The following NXPE2 variants were observed in gnomAD, a reference collection of about 807,000 sequenced individuals.
NXPE2 encodes the protein NXPE family member 2.
In NXPE2, 34 loss-of-function variants were observed where a neutral mutation model predicts 34.4. That is an observed-to-expected ratio of 0.99 (90% confidence interval 0.75 to 1.31). The LOEUF is 1.31. Among genes scored for constraint, NXPE2 ranks in the 40% most tolerant of loss-of-function variants. The pLI, the probability that NXPE2 is intolerant of heterozygous loss-of-function variation, is 0.00. For synonymous variants in NXPE2, 235 were observed against 231.3 expected, an observed-to-expected ratio of 1.02 and a Z score of -0.15; for missense variants, 649 against 672.5, an observed-to-expected ratio of 0.97 and a Z score of 0.39.
chr11:114,482,236 T>C, the NXPE2 span, among the ~76,000 whole-genome samples: 1 of 152,024 alleles, frequency 6.6e-6, no homozygotes. Flanking sequence ...AACACAGCAG[T>C]GTATAGGCTC....
rs1951461272 is a variant in NXPE2, at chr11:114,705,823, C to G, written c.971C>G (p.Thr324Ser). The change falls in exon 5 of 6, where the codon ACT becomes AGT. Residue 324 changes from threonine (T) to serine (S), a missense_variant. Coordinates refer to ENST00000389586, the MANE Select transcript of NXPE2 (RefSeq NM_182495.6). Reference sequence around the variant, plus strand: ...AAGAACTGCCAGATTGGAATGAAGACTCCTTTCCCCAGTGGTTATACTTTG... The same window carrying G: ...AAGAACTGCCAGATTGGAATGAAGAGTCCTTTCCCCAGTGGTTATACTTTG... Reference protein sequence around the residue: ...IKKNCQIGMKTPFPSGYTLKK... With the variant: ...IKKNCQIGMKSPFPSGYTLKK... The G allele has an allele frequency of 1.3e-6, 2 of 1,531,520 alleles. No individual in the cohort carries two copies. The highest frequency in any genetic ancestry group is 1.8e-6 in the Non-Finnish European group (2 of 1,138,530). The allele number at this position is 1,531,520 out of a possible 1,614,324, so 94.9% of individuals were successfully genotyped here.
chr11:114,640,366 CTGTT>C, the NXPE2 span, among the ~76,000 whole-genome samples: 1 of 148,684 alleles, frequency 6.7e-6, no homozygotes, highest in Non-Finnish European at 1.5e-5. Context: ...ATATATGCTA[CTGTT>C]TCTTTATCCA....
the NXPE2 span, among the ~76,000 whole-genome samples, chr11:114,795,532 T>C: frequency 1.3e-5 from 2 of 152,210 alleles, no homozygotes; most frequent in African/African-American, 4.8e-5. Flanking sequence ...TATTCATCTC[T>C]CCCCGTCTGT....
chr11:114,772,246 G>A, the NXPE2 span, among the ~76,000 whole-genome samples: 4 of 152,060 alleles, frequency 2.6e-5, no homozygotes, highest in Non-Finnish European at 5.9e-5. Flanking sequence ...TGGGAATGGA[G>A]AAAAAGGGAG....
the NXPE2 span, among the ~76,000 whole-genome samples, chr11:114,771,354 A>C: frequency 6.7e-6 from 1 of 149,692 alleles, no homozygotes; most frequent in African/African-American, 2.5e-5. Context: ...CAGCACAAGG[A>C]TATTCAAAGT....
the NXPE2 span, among the ~76,000 whole-genome samples, chr11:114,622,703 C>G: frequency 0.093 from 13,927 of 149,998 alleles, 745 homozygotes; most frequent in Middle Eastern, 0.22. Flanking sequence ...AACCCCTTTT[C>G]CCGGTGGATA....
chr11:114,792,431 A>C, the NXPE2 span, among the ~76,000 whole-genome samples: 5 of 152,092 alleles, frequency 3.3e-5, no homozygotes, highest in Non-Finnish European at 7.4e-5. Context: ...TGACTTGGTA[A>C]ACTTAATTTC....
the NXPE2 span, among the ~76,000 whole-genome samples, chr11:114,556,001 A>C: frequency 6.6e-6 from 1 of 152,154 alleles, no homozygotes; most frequent in African/African-American, 2.4e-5. Context: ...CAAATGTTTT[A>C]ATTTCTTTTT....
the NXPE2 span, among the ~76,000 whole-genome samples, chr11:114,476,646 G>C: frequency 6.6e-6 from 1 of 152,144 alleles, no homozygotes. Flanking sequence ...GCAAGAGAGA[G>C]AGAGAGTGAA....
the NXPE2 span, among the ~76,000 whole-genome samples, chr11:114,527,436 G>C: frequency 6.6e-6 from 1 of 152,118 alleles, no homozygotes; most frequent in African/African-American, 2.4e-5. Context: ...CATATAATCA[G>C]ATGAAAGCTC....
upstream of NXPE2, among the ~76,000 whole-genome samples, chr11:114,674,652 A>G (rs1950837592): frequency 6.6e-6 from 1 of 151,842 alleles, no homozygotes; most frequent in Non-Finnish European, 1.5e-5. Context: ...GCAGTTAGAA[A>G]ACAATGAACA....
the NXPE2 span, among the ~76,000 whole-genome samples, chr11:114,486,196 T>A: frequency 1.3e-5 from 2 of 152,202 alleles, no homozygotes; most frequent in Non-Finnish European, 2.9e-5. Context: ...TTATTATAAC[T>A]GGGGTAAGGT....
chr11:114,513,001 C>A, the NXPE2 span: 1 of 368,420 alleles, frequency 2.7e-6, no homozygotes. Context: ...TGCTCCTTCA[C>A]TGGGGTGGGT....
upstream of NXPE2, among the ~76,000 whole-genome samples, chr11:114,677,843 C>G (rs1337890881): frequency 6.6e-6 from 1 of 151,942 alleles, no homozygotes; most frequent in Non-Finnish European, 1.5e-5. Flanking sequence ...CTGAGTGTGG[C>G]CCGTGTGTTA....
chr11:114,536,736 A>C, the NXPE2 span, among the ~76,000 whole-genome samples: 2,334 of 152,362 alleles, frequency 0.015, 27 homozygotes, highest in Non-Finnish European at 0.025. Flanking sequence ...AACCAGGAAG[A>C]AGTTAAATCT....
At chr11:114,593,933 CTT>C in the NXPE2 span, among the ~76,000 whole-genome samples, 2 of 152,046 alleles carry the variant, frequency 1.3e-5, no homozygotes, top group Admixed American at 6.6e-5. Context: ...AGAAGACAAA[CTT>C]TGCATGTTCG....
chr11:114,706,590 T>G lies in NXPE2; in HGVS notation c.1340T>G (p.Val447Gly). The change falls in exon 6 of 6, where the codon GTC (valine) becomes GGC (glycine). Residue 447 changes from valine to glycine, a missense_variant. Val to Gly is a moderately radical substitution (Grantham distance 109, BLOSUM62 -3). Coordinates refer to ENST00000389586, the MANE Select transcript of NXPE2 (RefSeq NM_182495.6). ...GCAGGAGACAAAAACACAGCCATTGTCATTACCCTCGGCCAACACTTCAGA... is the reference window on the plus strand; with the variant it reads ...GCAGGAGACAAAAACACAGCCATTGGCATTACCCTCGGCCAACACTTCAGA... Reference protein sequence around the residue: ...QVAGDKNTAIVITLGQHFRPF... With the variant: ...QVAGDKNTAIGITLGQHFRPF... 6.4e-7 allele frequency: 1 copy of G among 1,551,908 alleles called. No homozygotes were observed. Among genetic ancestry groups the G allele is most frequent in the Non-Finnish European group, 8.7e-7 (1 of 1,146,992 alleles).
the NXPE2 span, among the ~76,000 whole-genome samples, chr11:114,784,077 G>A: frequency 6.6e-6 from 1 of 152,208 alleles, no homozygotes; most frequent in Admixed American, 6.5e-5. Flanking sequence ...CACACAGCTA[G>A]TCAGAGGCAG....
the NXPE2 span, among the ~76,000 whole-genome samples, chr11:114,639,813 TATAAA>T: frequency 8.4e-6 from 1 of 118,922 alleles, no homozygotes; most frequent in South Asian, 2.3e-4. Context: ...TATAAAATAA[TATAAA>T]ATATAATATA....
Sources: allele counts gnomAD v4.1 joint callset (sites outside exome capture counted in the v4.1 genomes callset), GRCh38; gene constraint gnomAD v4.1.1; transcripts MANE v1.5; gene names NCBI Gene and HGNC (gene_info 2026-07-23, HGNC 2026-07-21).